The following PLEKHA6 variants were observed in gnomAD, a reference collection of about 807,000 sequenced individuals.
The protein encoded by PLEKHA6 is pleckstrin homology domain containing A6.
PLEKHA6 carries 60 observed loss-of-function variants against 116.7 expected under a neutral mutation model. That is an observed-to-expected ratio of 0.51 (90% CI 0.42 to 0.64). PLEKHA6 has a LOEUF of 0.64. Ranked by LOEUF, PLEKHA6 falls within the 30% of genes least tolerant of loss-of-function variation. PLEKHA6 has a pLI of 0.00. For missense variants in PLEKHA6, 1,338 were observed against 1,422.7 expected (o/e 0.94, Z 0.96); for synonymous variants, 489 against 556.1 (o/e 0.88, Z 1.70).
At chr1:204,312,096 A>G (rs1203311355) in intron 1 of PLEKHA6, among the ~76,000 whole-genome samples, 1 of 152,254 alleles carries the variant, frequency 6.6e-6, no homozygotes, top group East Asian at 1.9e-4. Flanking sequence ...TCATGGTTAG[A>G]AGAGTTAGCT....
At chr1:204,344,642 C>A (rs1020575399) in intron 1 of PLEKHA6, among the ~76,000 whole-genome samples, 1 of 150,960 alleles carries the variant, frequency 6.6e-6, no homozygotes, top group African/African-American at 2.4e-5. Context: ...TATATAGAGT[C>A]AATTATAAAA....
chr1:204,361,739 G>T (rs1673564971), upstream of PLEKHA6, among the ~76,000 whole-genome samples: 1 of 152,244 alleles, frequency 6.6e-6, no homozygotes, highest in African/African-American at 2.4e-5. Context: ...TCCAGGACTT[G>T]GCAAGGCTGC....
intron 1 of PLEKHA6, among the ~76,000 whole-genome samples, chr1:204,349,391 T>A (rs1290871254): frequency 6.6e-6 from 1 of 151,800 alleles, no homozygotes; most frequent in Non-Finnish European, 1.5e-5. Flanking sequence ...GTACAAAAAA[T>A]TTAGCTGGGC....
intron 5 of PLEKHA6, among the ~76,000 whole-genome samples, chr1:204,265,781 C>T (rs144358837): frequency 2.0e-5 from 3 of 152,218 alleles, no homozygotes; most frequent in African/African-American, 4.8e-5. Flanking sequence ...TATGTCTCCA[C>T]AGGAAAAGGA....
At chr1:204,320,562 T>G (rs1197282102) in intron 1 of PLEKHA6, 5 of 820,810 alleles carry the variant, frequency 6.1e-6, no homozygotes, top group Non-Finnish European at 7.4e-6. Flanking sequence ...GGAATTTCCC[T>G]GGGGCAAAGA....
intron 17 of PLEKHA6, 109 bp downstream of exon 17, chr1:204,241,266 T>A: frequency 1.4e-6 from 1 of 693,476 alleles, no homozygotes; most frequent in Non-Finnish European, 2.5e-6. Context: ...TCCACCTTCC[T>A]CTCCAGCCCT....
At chr1:204,358,076 C>T (rs1402201766) in intron 1 of PLEKHA6, among the ~76,000 whole-genome samples, 2 of 152,188 alleles carry the variant, frequency 1.3e-5, no homozygotes, top group African/African-American at 4.8e-5. Context: ...CAGGTGGGGA[C>T]CCCCATTGTC....
In PLEKHA6 at chr1:204,259,468, G is replaced by T; in HGVS notation, c.797C>A (p.Pro266His). 2 of 1,614,222 alleles carry T rather than the reference G, an allele frequency of 1.2e-6. No homozygotes were observed. The highest frequency in any genetic ancestry group is 1.3e-5 in the African/African-American group (1 of 75,076). Residue 266 changes from proline (P) to histidine (H), a missense_variant, in exon 8 of 23, where the codon CCT becomes CAT. This residue lies in a region of PLEKHA6 where 1,136 missense variants were observed against 1,163.6 expected (regional missense o/e 0.98). Transcript: ENST00000272203. The surrounding 1 kb of genome is among the most constrained non-coding windows in gnomAD (Gnocchi z 4.6). ...GTACTGCCAGCCATTGGGCTGGGCA[G>T]GCTGTTCCCCACCCCCTGGCACTCT... ...GPRVPGGGEQPAQPNGWQYHS... is the reference protein window; with the variant it reads ...GPRVPGGGEQHAQPNGWQYHS...
chr1:204,311,186 C>T (rs1186360993), intron 1 of PLEKHA6, among the ~76,000 whole-genome samples: 3 of 152,186 alleles, frequency 2.0e-5, no homozygotes, highest in African/African-American at 7.2e-5. Flanking sequence ...TAGCCTGCTC[C>T]ATTGTTGAAG....
intron 1 of PLEKHA6, among the ~76,000 whole-genome samples, chr1:204,356,248 T>C (rs1054834467): frequency 7.2e-5 from 11 of 152,226 alleles, no homozygotes; most frequent in African/African-American, 1.9e-4. Context: ...TGAAAAGGTA[T>C]ATAATGAAAT....
At chr1:204,265,829 T>G (rs1666731794) in intron 5 of PLEKHA6, among the ~76,000 whole-genome samples, 1 of 152,196 alleles carries the variant, frequency 6.6e-6, no homozygotes, top group African/African-American at 2.4e-5. Flanking sequence ...CTCTCCTCCC[T>G]GGGATTGGGC....
At chr1:204,357,490 C>G (rs1572228088) in intron 1 of PLEKHA6, among the ~76,000 whole-genome samples, 1 of 152,184 alleles carries the variant, frequency 6.6e-6, no homozygotes, top group Non-Finnish European at 1.5e-5. Flanking sequence ...TCTGAATGTG[C>G]TTTAAGTGTT....
Position 204,277,419 on chromosome 1 carries a change from G to C in PLEKHA6, c.-94-2610C>G, listed in dbSNP as rs1381026308. On this transcript the variant is annotated intron_variant, in intron 1 of 22. Coordinates refer to ENST00000272203, the MANE Select transcript of PLEKHA6 (RefSeq NM_014935.5). This position sits in a 1 kb window ranked among gnomAD's most constrained non-coding sequence, Gnocchi z 4.1. ...ACACGGAGCAGGTGTAGCACTCCCAGGTAGTCCGACCTCAGTGAGCTAAGG... is the reference window on the plus strand; with the variant it reads ...ACACGGAGCAGGTGTAGCACTCCCACGTAGTCCGACCTCAGTGAGCTAAGG... Among the ~76,000 whole-genome samples, 1 of 152,186 alleles carries C rather than the reference G, an allele frequency of 6.6e-6. No homozygotes were observed. Among genetic ancestry groups the C allele is most frequent in the Non-Finnish European group, 1.5e-5 (1 of 68,024 alleles).
intron 1 of PLEKHA6, among the ~76,000 whole-genome samples, chr1:204,339,183 G>A (rs572789404): frequency 5.3e-4 from 80 of 152,304 alleles, no homozygotes; most frequent in Non-Finnish European, 1.0e-3. Flanking sequence ...TGAGCTCCCC[G>A]ATGACAGCTG....
chr1:204,259,502 C>T lies in PLEKHA6; in HGVS notation c.763G>A (p.Glu255Lys), dbSNP rs777709812. ...PASEPGSPYP[E>K]GPRVPGGGEQ... ...CCACCCCCTGGCACTCTTGGGCCCT[C>T]GGGGTAAGGGCTGCCCGGCTCTGAG... The change falls in exon 8 of 23, where the codon GAG becomes AAG. Residue 255 changes from glutamate (E) to lysine (K), a missense_variant. Coordinates refer to ENST00000272203, the MANE Select transcript of PLEKHA6 (RefSeq NM_014935.5). This position sits in a 1 kb window ranked among gnomAD's most constrained non-coding sequence, Gnocchi z 4.6. 49 of 1,613,972 alleles carry T rather than the reference C, an allele frequency of 3.0e-5. No individual in the cohort carries two copies. Among genetic ancestry groups the T allele is most frequent in the Non-Finnish European group, 3.6e-5 (43 of 1,179,964 alleles).
intron 1 of PLEKHA6, among the ~76,000 whole-genome samples, chr1:204,285,783 G>A (rs1277662059): frequency 6.6e-6 from 1 of 152,236 alleles, no homozygotes; most frequent in Non-Finnish European, 1.5e-5. Flanking sequence ...CACTGGAAAA[G>A]GTCATCCAGC....
Position 204,227,940 on chromosome 1 carries a change from A to T in PLEKHA6, c.3031+143T>A, listed in dbSNP as rs532270522. On this transcript the variant is annotated intron_variant, in intron 21 of 22. Coordinates refer to ENST00000272203, the MANE Select transcript of PLEKHA6 (RefSeq NM_014935.5). ...TAGCACAGTACCTGGTGCTCAACAGATGCTCGTCTCAACCTCGAGGAGCAT... is the reference window on the plus strand; with the variant it reads ...TAGCACAGTACCTGGTGCTCAACAGTTGCTCGTCTCAACCTCGAGGAGCAT... 6 of 852,244 alleles carry T rather than the reference A, an allele frequency of 7.0e-6. No homozygotes were observed. In the South Asian group the frequency reaches 1.1e-4, roughly 15 times the overall value. The allele number at this position is 852,244 out of a possible 1,614,324, so 52.8% of individuals were successfully genotyped here. A position where few individuals can be genotyped will look rare whatever the true frequency, so the allele number is the denominator to read the frequency against.
chr1:204,347,863 A>G (rs137901196), intron 1 of PLEKHA6, among the ~76,000 whole-genome samples: 2 of 152,038 alleles, frequency 1.3e-5, no homozygotes, highest in African/African-American at 4.8e-5. Context: ...GGTTCCTATA[A>G]GAAAGATACT....
intron 17 of PLEKHA6, among the ~76,000 whole-genome samples, chr1:204,237,151 T>C (rs1451651794): frequency 2.0e-5 from 3 of 152,206 alleles, no homozygotes; most frequent in Admixed American, 1.3e-4. Context: ...AGGTAATTAA[T>C]GGAGTTTTAG....
Sources: gnomAD v4.1 joint callset for allele counts (sites outside exome capture counted in the v4.1 genomes callset) on GRCh38, gnomAD v4.1.1 for gene constraint, gnomAD v4.1.1 regional missense constraint, Gnocchi (gnomAD v3.1) non-coding constraint, MANE v1.5 for transcripts, NCBI Gene and HGNC (gene_info 2026-07-23, HGNC 2026-07-21) for gene names.